TADA2A: variants seen among roughly 807,000 people sequenced by gnomAD.
The protein encoded by TADA2A is transcriptional adapter 2-alpha.
A neutral mutation model predicts 67.4 loss-of-function variants in TADA2A; 38 were observed. The observed-to-expected ratio is 0.56, with a 90% CI of 0.44 to 0.74. The LOEUF is 0.74. Ranked by LOEUF, TADA2A falls within the 30% of genes least tolerant of loss-of-function variation. The probability of loss-of-function intolerance (pLI) is 0.00; values close to 1 mark genes in which losing one functional copy is unlikely to be tolerated. For missense variants in TADA2A, 454 were observed against 547.0 expected (o/e 0.83, Z 1.70); for synonymous variants, 192 against 181.6 (o/e 1.06, Z -0.46).
At chr17:37,449,030 A>T (rs201561981) in intron 8 of TADA2A, among the ~76,000 whole-genome samples, 2,747 of 131,420 alleles carry the variant, frequency 0.021, 75 homozygotes, top group African/African-American at 0.072. Flanking sequence ...TTTTTTTTTT[A>T]TTTTTTTTGA....
intron 2 of TADA2A, among the ~76,000 whole-genome samples, chr17:37,418,170 A>G (rs2052110943): frequency 6.6e-6 from 1 of 152,220 alleles, no homozygotes; most frequent in Non-Finnish European, 1.5e-5. Flanking sequence ...ATTTCAGTGC[A>G]TATTAAAATT....
rs2052518786 is a variant in TADA2A at position 37,429,805 on chromosome 17, CTAT to C, written c.192+2797_192+2799del. Among the ~76,000 whole-genome samples the C allele has an allele frequency of 2.8e-5, 4 of 140,366 alleles. No individual in the cohort carries two copies. The Admixed American group carries it at 3.1e-4, about 11-fold the overall frequency. 92.1% of individuals were successfully genotyped at this position (140,366 alleles called of 152,430 possible). A position where few individuals can be genotyped will look rare whatever the true frequency, so the allele number is the denominator to read the frequency against. On this transcript the variant is annotated intron_variant, in intron 4 of 15. Coordinates refer to ENST00000615182, the MANE Select transcript of TADA2A (RefSeq NM_001166105.3). ...TGGGAGCCAACTAACTAGCCTTCCT[CTAT>C]CCATCTCTAAACAATTTCAGTCTTT...
intron 8 of TADA2A, among the ~76,000 whole-genome samples, chr17:37,457,467 C>T (rs533510765): frequency 6.7e-6 from 1 of 149,192 alleles, no homozygotes. Flanking sequence ...AGGTGTGAGC[C>T]ACTGTGCCCA....
At chr17:37,460,893 G>C (rs2053531595) in intron 9 of TADA2A, among the ~76,000 whole-genome samples, 1 of 151,994 alleles carries the variant, frequency 6.6e-6, no homozygotes, top group Non-Finnish European at 1.5e-5. Flanking sequence ...TACTTGGGAG[G>C]CTAAGGTGAG....
intron 5 of TADA2A, 53 bp downstream of exon 5, chr17:37,437,882 C>T (rs1326659661): frequency 1.3e-6 from 2 of 1,536,166 alleles, no homozygotes; most frequent in Non-Finnish European, 1.8e-6. Flanking sequence ...AGAGAAGAAG[C>T]TGTTGTTGAA....
intron 8 of TADA2A, among the ~76,000 whole-genome samples, chr17:37,451,919 G>A (rs1249451560): frequency 6.6e-6 from 1 of 152,140 alleles, no homozygotes; most frequent in Non-Finnish European, 1.5e-5. Context: ...GGGAGACAGA[G>A]GTTGCAGTGA....
rs1230849870 is a variant in TADA2A at position 37,458,637 on chromosome 17, T to TTTTGTGTG, written c.668+51_668+52insTTGTGTGT. On this transcript the variant is annotated intron_variant, in intron 9 of 15. Transcript: ENST00000615182. ...CTCCTTTCAGCTTTGGATTATTGTT[T>TTTTGTGTG]TGTGTGTGTGTGTGTGTGTGTGTGT... The TTTTGTGTG allele has an allele frequency of 4.3e-4, 423 of 981,524 alleles. 10 individuals carry two copies. The highest frequency in any genetic ancestry group is 3.7e-3 in the South Asian group (206 of 56,050). The allele number at this position is 981,524 out of a possible 1,614,324, so 60.8% of individuals were successfully genotyped here.
chr17:37,449,937 A>G (rs1225389702), intron 8 of TADA2A, among the ~76,000 whole-genome samples: 3 of 152,160 alleles, frequency 2.0e-5, no homozygotes, highest in Non-Finnish European at 4.4e-5. Flanking sequence ...TTCCTGTTTT[A>G]CATTCAGGGA....
At chr17:37,476,044 A>G (rs1052246227) in intron 15 of TADA2A, among the ~76,000 whole-genome samples, 15 of 152,152 alleles carry the variant, frequency 9.9e-5, no homozygotes, top group African/African-American at 3.4e-4. Context: ...AGTGTAGGGG[A>G]TAGTGTTAGT....
At chr17:37,465,601 G>C (rs2053648032) in intron 11 of TADA2A, 60 bp downstream of exon 11, 1 of 1,604,140 alleles carries the variant, frequency 6.2e-7, no homozygotes, top group African/African-American at 1.3e-5. Flanking sequence ...AAATAGGAGA[G>C]ATAATGGTGT....
chr17:37,459,582 CTTT>C (rs80266428), intron 9 of TADA2A, among the ~76,000 whole-genome samples: 1 of 133,378 alleles, frequency 7.5e-6, no homozygotes, highest in Admixed American at 7.6e-5. Context: ...CGTGTTCAAC[CTTT>C]TTTTTTTTTT....
intron 5 of TADA2A, among the ~76,000 whole-genome samples, chr17:37,439,308 G>A (rs912749213): frequency 6.6e-6 from 1 of 151,920 alleles, no homozygotes; most frequent in Non-Finnish European, 1.5e-5. Flanking sequence ...TTGGAAACAG[G>A]ATCTTGCTCT....
intron 4 of TADA2A, among the ~76,000 whole-genome samples, chr17:37,437,508 T>C (rs2052767120): frequency 6.6e-6 from 1 of 152,112 alleles, no homozygotes; most frequent in Non-Finnish European, 1.5e-5. Context: ...TGCCTCAGCC[T>C]CCTGAGTAGC....
chr17:37,475,760 G>A (rs1021937202), intron 15 of TADA2A, among the ~76,000 whole-genome samples: 6 of 152,104 alleles, frequency 3.9e-5, no homozygotes, highest in Non-Finnish European at 8.8e-5. Context: ...CCACTGCACC[G>A]GCCTGATTAA....
chr17:37,463,972 G>C (rs767153589), intron 10 of TADA2A, among the ~76,000 whole-genome samples: 22 of 151,644 alleles, frequency 1.5e-4, no homozygotes, highest in Non-Finnish European at 1.9e-4. Context: ...AAAAAGGTAA[G>C]CTAGGAAAAA....
intron 2 of TADA2A, among the ~76,000 whole-genome samples, chr17:37,416,980 A>G (rs553425232): frequency 1.1e-3 from 170 of 152,276 alleles, no homozygotes; most frequent in Admixed American, 2.4e-3. Flanking sequence ...TACCTTTTGA[A>G]GGACAGTTGG....
chr17:37,408,160 T>G (rs2051694832), intron 1 of TADA2A, among the ~76,000 whole-genome samples: 2 of 152,190 alleles, frequency 1.3e-5, no homozygotes, highest in South Asian at 2.1e-4. Context: ...GTGCTGAGAT[T>G]ACAGGCGTGA....
chr17:37,438,421 A>C (rs1486098326), intron 5 of TADA2A, among the ~76,000 whole-genome samples: 1 of 152,204 alleles, frequency 6.6e-6, no homozygotes, highest in Non-Finnish European at 1.5e-5. Flanking sequence ...TATGAACTAG[A>C]TAGCAGAGGC....
At chr17:37,428,673 C>T (rs2052478883) in intron 4 of TADA2A, among the ~76,000 whole-genome samples, 1 of 152,180 alleles carries the variant, frequency 6.6e-6, no homozygotes, top group South Asian at 2.1e-4. Context: ...CCTCGACCTC[C>T]CAGGCTTAAG....
Sources: allele counts gnomAD v4.1 joint callset (sites outside exome capture counted in the v4.1 genomes callset), GRCh38; gene constraint gnomAD v4.1.1; transcripts MANE v1.5; gene names NCBI Gene and HGNC (gene_info 2026-07-23, HGNC 2026-07-21).